Variants in SEL1L2 observed in about 807,000 individuals in gnomAD.
The protein encoded by SEL1L2 is SEL1L2 adaptor subunit of SYVN1 ubiquitin ligase.
A neutral mutation model predicts 98.8 loss-of-function variants in SEL1L2; 89 were observed. The ratio of observed to expected loss-of-function variants is 0.90; its 90% CI spans 0.76 to 1.07. The LOEUF is 1.07. Ranked by LOEUF, SEL1L2 falls within the 50% of genes least tolerant of loss-of-function variation. The probability of loss-of-function intolerance (pLI) is 0.00; values close to 1 mark genes in which losing one functional copy is unlikely to be tolerated. For synonymous variants in SEL1L2, 262 were observed against 278.5 expected (o/e 0.94, Z 0.59); for missense variants, 788 against 812.0 (o/e 0.97, Z 0.36).
intron 1 of SEL1L2, among the ~76,000 whole-genome samples, chr20:13,968,151 T>G (rs1013809602): frequency 6.6e-6 from 1 of 152,238 alleles, no homozygotes; most frequent in Non-Finnish European, 1.5e-5. Context: ...AAAATTTCCA[T>G]AAAAACTAAA....
chr20:13,849,544 A>G lies in SEL1L2; in HGVS notation c.2008T>C (p.Phe670Leu), dbSNP rs749274785. Residue 670 changes from phenylalanine (F) to leucine (L), a missense_variant, in exon 20 of 20, where the codon TTT becomes CTT. Transcript: ENST00000284951. The part of the protein sequence containing the change: ...DNTIGPHWDL[F>L]VIGLIVPGLI... ...CCAGGAACAATGAGGCCAATCACAA[A>G]TAAGTCCCAGTGTGGTCCAATGGTG... 16 of 1,614,100 alleles carry G rather than the reference A, an allele frequency of 9.9e-6. 1 individual carries two copies. The East Asian group carries it at 1.3e-4, about 13-fold the overall frequency.
chr20:13,872,908 G>A (rs1039079460), intron 12 of SEL1L2, among the ~76,000 whole-genome samples: 5 of 152,142 alleles, frequency 3.3e-5, no homozygotes, highest in Admixed American at 3.3e-4. Context: ...GAAGGCAGCA[G>A]CAGCTCTCAG....
intron 1 of SEL1L2, among the ~76,000 whole-genome samples, chr20:13,980,532 T>C (rs2051762570): frequency 6.6e-6 from 1 of 152,136 alleles, no homozygotes; most frequent in Admixed American, 6.5e-5. Context: ...TCTTATACAC[T>C]GTGAGTGGGA....
rs779584914 is a variant in SEL1L2 at position 13,939,035 on chromosome 20, G to GTTTTTTTTTTTTTTTTT, written c.115-7265_115-7264insAAAAAAAAAAAAAAAAA. ...TTTTTTCTTTTTGGTTTGTTTGCTT[G>GTTTTTTTTTTTTTTTTT]TTTTGTTTTTTTTTTTTTTTTTTTC... On this transcript the variant is annotated intron_variant, in intron 2 of 19. Transcript: ENST00000284951. Among the ~76,000 whole-genome samples the GTTTTTTTTTTTTTTTTT allele has an allele frequency of 4.2e-3, 132 of 31,356 alleles. 7 individuals are homozygous for GTTTTTTTTTTTTTTTTT. Among genetic ancestry groups the GTTTTTTTTTTTTTTTTT allele is most frequent in the African/African-American group, 8.4e-3 (78 of 9,274 alleles). The allele number at this position is 31,356 out of a possible 152,430, so 20.6% of individuals were successfully genotyped here. A position where few individuals can be genotyped will look rare whatever the true frequency, so the allele number is the denominator to read the frequency against.
At chr20:13,865,118 A>G (rs760776376) in intron 17 of SEL1L2, 49 bp downstream of exon 17, 1 of 1,447,254 alleles carries the variant, frequency 6.9e-7, no homozygotes, top group Non-Finnish European at 9.6e-7. Context: ...GTGATGAATA[A>G]CAGAGGACAG....
intron 1 of SEL1L2, among the ~76,000 whole-genome samples, chr20:13,958,594 G>A (rs991159913): frequency 6.6e-6 from 1 of 152,084 alleles, no homozygotes; most frequent in Non-Finnish European, 1.5e-5. Flanking sequence ...CAACACATTT[G>A]GCCCAGGAAC....
chr20:13,900,976 A>T (rs1244179640), intron 5 of SEL1L2, among the ~76,000 whole-genome samples: 1 of 151,724 alleles, frequency 6.6e-6, no homozygotes, highest in Non-Finnish European at 1.5e-5. Flanking sequence ...CGAATTCATT[A>T]TATTGATTTC....
chr20:13,928,658 G>C (rs893820225), intron 3 of SEL1L2, among the ~76,000 whole-genome samples: 1 of 152,150 alleles, frequency 6.6e-6, no homozygotes, highest in African/African-American at 2.4e-5. Context: ...GTAAAAGATC[G>C]GAAGTGATAT....
intron 1 of SEL1L2, among the ~76,000 whole-genome samples, chr20:13,965,956 C>CA (rs199731856): frequency 0.23 from 24,903 of 110,088 alleles, 2,835 homozygotes; most frequent in African/African-American, 0.35. Flanking sequence ...GATTCTGTCT[C>CA]AAAAAAAAAA....
chr20:13,974,475 C>CTTTTTTTT lies in SEL1L2; in HGVS notation c.58+15994_58+16001dup, dbSNP rs11484437. On this transcript the variant is annotated intron_variant, in intron 1 of 19. Coordinates refer to ENST00000284951, the MANE Select transcript of SEL1L2 (RefSeq NM_025229.2). ...TTTTTTTCCTTTTCTCTCTCTCTCT[C>CTTTTTTTT]TTTTTTTTTTTTTTTTTTTTTGAGA... is the stretch of plus-strand genomic sequence containing the variant. 1.7e-4 allele frequency among the ~76,000 whole-genome samples: 14 copies of CTTTTTTTT among 80,188 alleles called. 1 individual carries two copies. Among genetic ancestry groups the CTTTTTTTT allele is most frequent in the Admixed American group, 3.7e-4 (2 of 5,422 alleles). 52.6% of individuals were successfully genotyped at this position (80,188 alleles called of 152,430 possible).
At chr20:13,963,869 AAT>A (rs2050899514) in intron 1 of SEL1L2, among the ~76,000 whole-genome samples, 1 of 152,014 alleles carries the variant, frequency 6.6e-6, no homozygotes, top group South Asian at 2.1e-4. Flanking sequence ...TATATGCCTA[AAT>A]ATATATATTT....
intron 5 of SEL1L2, among the ~76,000 whole-genome samples, chr20:13,907,205 T>C (rs1207038826): frequency 6.6e-6 from 1 of 152,160 alleles, no homozygotes; most frequent in African/African-American, 2.4e-5. Flanking sequence ...AGTTAAATAT[T>C]TTTTTCTGAT....
At chr20:13,982,208 C>A (rs2051861258) in intron 1 of SEL1L2, among the ~76,000 whole-genome samples, 3 of 152,062 alleles carry the variant, frequency 2.0e-5, no homozygotes, top group African/African-American at 7.2e-5. Context: ...ATAGGAGTTA[C>A]TACTAGAAAG....
intron 2 of SEL1L2, among the ~76,000 whole-genome samples, chr20:13,940,111 T>C (rs1329479313): frequency 2.0e-5 from 3 of 152,190 alleles, no homozygotes; most frequent in Non-Finnish European, 2.9e-5. Context: ...CATTTGTCTG[T>C]AAGAAATACA....
intron 2 of SEL1L2, among the ~76,000 whole-genome samples, chr20:13,932,654 CT>C (rs1435874344): frequency 6.6e-6 from 1 of 152,112 alleles, no homozygotes; most frequent in Non-Finnish European, 1.5e-5. Flanking sequence ...TGTTCTCGAA[CT>C]TCTGACCTCA....
chr20:13,938,083 CTTTT>C (rs780844505), intron 2 of SEL1L2, among the ~76,000 whole-genome samples: 2 of 137,240 alleles, frequency 1.5e-5, no homozygotes, highest in Admixed American at 7.5e-5. Context: ...TTTTTCTTTT[CTTTT>C]TTTTTTTTTT....
chr20:13,929,487 CTTTTTTTTTTTTTT>C (rs747948529), intron 3 of SEL1L2, among the ~76,000 whole-genome samples: 2 of 73,316 alleles, frequency 2.7e-5, no homozygotes, highest in Non-Finnish European at 4.6e-5. Flanking sequence ...TTGCCTTTGC[CTTTTTTTTTTTTTT>C]TTTTTTTTTT....
Position 13,990,521 on chromosome 20 carries a change from G to C in SEL1L2, c.14C>G (p.Ser5Cys). ...AATTATCAATATCTCTATTAACAGA[G>C]ACAAGGGCTTCATCTTCTCTTAAGC... Reference protein sequence around the residue: MKPLSLLIEILIILG... With the variant: MKPLCLLIEILIILG... The change falls in exon 1 of 20, where the codon TCT becomes TGT. Residue 5 changes from serine to cysteine, a missense_variant. Coordinates refer to ENST00000284951, the MANE Select transcript of SEL1L2 (RefSeq NM_025229.2). 1 of 1,612,274 alleles carries C rather than the reference G, an allele frequency of 6.2e-7. No homozygotes were observed. The highest frequency in any genetic ancestry group is 8.5e-7 in the Non-Finnish European group (1 of 1,178,830).
At position 13,866,724 on chromosome 20, in the gene SEL1L2, C is replaced by G; in HGVS notation, c.1382G>C (p.Arg461Thr). The G allele has an allele frequency of 6.3e-7, 1 of 1,594,688 alleles. No individual in the cohort carries two copies. Among genetic ancestry groups the G allele is most frequent in the East Asian group, 2.3e-5 (1 of 44,074 alleles). The stretch of plus-strand genomic sequence containing the variant: ...TACCTCCACAGCAGTTCTGCATGAT[C>G]TTACTACTCCTGTTCCTGTTGCATA... ...KMYATGTGVV[R>T]SCRTAVELYK... The change falls in exon 15 of 20, where the codon AGA becomes ACA. Residue 461 changes from arginine (R) to threonine (T), a missense_variant. Transcript: ENST00000284951.
Sources: allele counts gnomAD v4.1 joint callset (sites outside exome capture counted in the v4.1 genomes callset), GRCh38; gene constraint gnomAD v4.1.1; transcripts MANE v1.5; gene names NCBI Gene and HGNC (gene_info 2026-07-23, HGNC 2026-07-21).